Variants in SLC9A9 observed in about 807,000 individuals in gnomAD.
The protein encoded by SLC9A9 is sodium/hydrogen exchanger 9.
SLC9A9 carries 62 observed loss-of-function variants against 77.8 expected under a neutral mutation model. The observed-to-expected ratio is 0.80, with a 90% confidence interval of 0.65 to 0.98. SLC9A9 has a LOEUF of 0.98. Ranked by LOEUF, SLC9A9 falls within the 50% of genes least tolerant of loss-of-function variation. The pLI is 0.00. For synonymous variants in SLC9A9, 320 were observed against 283.5 expected (o/e 1.13, Z -1.29); for missense variants, 775 against 774.9 (o/e 1.00, Z 0.00).
At chr3:143,679,597 A>C (rs1417805818) in intron 5 of SLC9A9, among the ~76,000 whole-genome samples, 1 of 152,222 alleles carries the variant, frequency 6.6e-6, no homozygotes, top group African/African-American at 2.4e-5. Flanking sequence ...ATGTCTCCAC[A>C]GTTAATGTGT....
intron 11 of SLC9A9, among the ~76,000 whole-genome samples, chr3:143,477,587 C>A (rs981297675): frequency 3.3e-5 from 5 of 152,070 alleles, no homozygotes. Flanking sequence ...GGGGCATCCC[C>A]CAAACCCCAC....
chr3:143,365,795 C>G (rs933540412), intron 13 of SLC9A9, among the ~76,000 whole-genome samples: 39 of 152,158 alleles, frequency 2.6e-4, no homozygotes, highest in Non-Finnish European at 3.7e-4. Context: ...CTTCATCATC[C>G]TCAAACATCT....
chr3:143,648,832 A>G (rs1283435048), intron 6 of SLC9A9, among the ~76,000 whole-genome samples: 4 of 152,176 alleles, frequency 2.6e-5, no homozygotes, highest in South Asian at 2.1e-4. Flanking sequence ...TTAGTCTGGG[A>G]ATGGTGGAAC....
rs116417782 is a variant in SLC9A9, at chr3:143,386,058, C to T, written c.1470-3944G>A. On this transcript the variant is annotated intron_variant, in intron 12 of 15. Coordinates refer to ENST00000316549, the MANE Select transcript of SLC9A9 (RefSeq NM_173653.4). ...TCTTTCCTGAACTCCAAGCACTGTCCTCCCTTCTGTCTGATCACCACCTTG... is the reference window on the plus strand; with the variant it reads ...TCTTTCCTGAACTCCAAGCACTGTCTTCCCTTCTGTCTGATCACCACCTTG... Among the ~76,000 whole-genome samples, 647 of 152,252 alleles carry T rather than the reference C, an allele frequency of 4.2e-3. 4 individuals are homozygous for T. Among genetic ancestry groups the T allele is most frequent in the African/African-American group, 0.015 (617 of 41,544 alleles).
At chr3:143,663,478 T>C (rs1403177903) in intron 5 of SLC9A9, among the ~76,000 whole-genome samples, 2 of 152,200 alleles carry the variant, frequency 1.3e-5, no homozygotes, top group East Asian at 1.9e-4. Flanking sequence ...GACGAGTTGA[T>C]AGAAGTAGGC....
At position 143,492,220 on chromosome 3, in the gene SLC9A9, G is replaced by A. The variant is rs1450093855; in HGVS notation, c.1315+1433C>T. Among the ~76,000 whole-genome samples, 8 of 150,798 alleles carry A rather than the reference G, an allele frequency of 5.3e-5. 1 individual carries two copies. The South Asian group carries it at 8.5e-4, about 16-fold the overall frequency. On this transcript the variant is annotated intron_variant, in intron 11 of 15. Coordinates refer to ENST00000316549, the MANE Select transcript of SLC9A9 (RefSeq NM_173653.4). The stretch of plus-strand genomic sequence containing the variant: ...GGCAGAAGAATGACATGAACCTGGG[G>A]GGCAGAGCTTGCAGTGAGCCGAGAT...
chr3:143,752,725 G>T (rs975931115), intron 4 of SLC9A9, among the ~76,000 whole-genome samples: 3 of 151,624 alleles, frequency 2.0e-5, no homozygotes, highest in Admixed American at 6.6e-5. Context: ...TCTGAAAAGG[G>T]CTTTGTACTG....
intron 4 of SLC9A9, among the ~76,000 whole-genome samples, chr3:143,788,617 G>A (rs2008124436): frequency 6.7e-6 from 1 of 149,918 alleles, no homozygotes; most frequent in South Asian, 2.1e-4. Flanking sequence ...CTTGAACCTG[G>A]GAGGTGGAGG....
intron 14 of SLC9A9, among the ~76,000 whole-genome samples, chr3:143,362,921 T>C (rs2108483683): frequency 6.6e-6 from 1 of 152,348 alleles, no homozygotes; most frequent in Middle Eastern, 3.4e-3. Context: ...GGAAAAAGCT[T>C]ATTCAAGTCT....
chr3:143,486,713 T>C (rs1272503511), intron 11 of SLC9A9, among the ~76,000 whole-genome samples: 1 of 152,016 alleles, frequency 6.6e-6, no homozygotes, highest in Non-Finnish European at 1.5e-5. Flanking sequence ...AAATTTAAAT[T>C]AGAATGTTAC....
intron 6 of SLC9A9, among the ~76,000 whole-genome samples, chr3:143,606,995 T>TAGAG (rs10662420): frequency 0.61 from 92,865 of 151,120 alleles, 28,867 homozygotes; most frequent in African/African-American, 0.73. Flanking sequence ...ATACAATACA[T>TAGAG]AGAAAGTAAA....
At chr3:143,375,983 G>A (rs1179661589) in intron 13 of SLC9A9, among the ~76,000 whole-genome samples, 1 of 152,124 alleles carries the variant, frequency 6.6e-6, no homozygotes, top group African/African-American at 2.4e-5. Context: ...AAGAGCTAAA[G>A]ACTGGCTGGC....
At chr3:143,703,937 A>G (rs376655536) in intron 4 of SLC9A9, among the ~76,000 whole-genome samples, 1 of 152,162 alleles carries the variant, frequency 6.6e-6, no homozygotes, top group East Asian at 1.9e-4. Flanking sequence ...CTGAGCAACT[A>G]TATGGCAATA....
At chr3:143,689,236 T>C (rs1933377902) in intron 5 of SLC9A9, among the ~76,000 whole-genome samples, 1 of 152,132 alleles carries the variant, frequency 6.6e-6, no homozygotes, top group Non-Finnish European at 1.5e-5. Flanking sequence ...CCATTATCTC[T>C]TTCCAGAAAT....
At chr3:143,775,025 G>A (rs971371547) in intron 4 of SLC9A9, among the ~76,000 whole-genome samples, 3 of 152,140 alleles carry the variant, frequency 2.0e-5, no homozygotes, top group Non-Finnish European at 2.9e-5. Context: ...GCTGATTTTT[G>A]TAATGGACTC....
At position 143,817,835 on chromosome 3, in the gene SLC9A9, C is replaced by T. The variant is rs146678387; in HGVS notation, c.378+14184G>A. 4.4e-3 allele frequency among the ~76,000 whole-genome samples: 231 copies of T among 53,060 alleles called. 1 individual carries two copies. Among genetic ancestry groups the T allele is most frequent in the African/African-American group, 0.012 (226 of 18,178 alleles). The allele number at this position is 53,060 out of a possible 152,430, so 34.8% of individuals were successfully genotyped here. A position where few individuals can be genotyped will look rare whatever the true frequency, so the allele number is the denominator to read the frequency against. ...ATAGCCTATTTAATGTTTCAAAATA[C>T]AGGAAAAGCTTTATACAGATAGGTA... On this transcript the variant is annotated intron_variant, in intron 2 of 15. Transcript: ENST00000316549.
chr3:143,265,324 G>A lies in SLC9A9; in HGVS notation c.*1378C>T, dbSNP rs1272728175. 1.3e-5 allele frequency: 2 copies of A among 152,314 alleles called. No individual in the cohort carries two copies. The highest frequency in any genetic ancestry group is 2.9e-5 in the Non-Finnish European group (2 of 68,104). The allele number at this position is 152,314 out of a possible 1,614,324, so 9.4% of individuals were successfully genotyped here. On this transcript the variant is annotated 3_prime_UTR_variant, in exon 16 of 16. Transcript: ENST00000316549. ...AATGACAAAGTTATACTTAGCTTGA[G>A]TGTAAAACTTGTGCCCCAGAGATTC...
intron 12 of SLC9A9, among the ~76,000 whole-genome samples, chr3:143,427,976 T>G (rs1225447304): frequency 6.6e-6 from 1 of 152,194 alleles, no homozygotes; most frequent in Non-Finnish European, 1.5e-5. Flanking sequence ...ATGCAGATTA[T>G]GAAATTACTA....
At chr3:143,526,226 C>G (rs918317343) in intron 9 of SLC9A9, among the ~76,000 whole-genome samples, 1 of 152,128 alleles carries the variant, frequency 6.6e-6, no homozygotes, top group Non-Finnish European at 1.5e-5. Flanking sequence ...AAAGCAGATG[C>G]CTAGAAGCAC....
Sources: gnomAD v4.1 joint callset for allele counts (sites outside exome capture counted in the v4.1 genomes callset) on GRCh38, gnomAD v4.1.1 for gene constraint, MANE v1.5 for transcripts, NCBI Gene and HGNC (gene_info 2026-07-23, HGNC 2026-07-21) for gene names.